VPS45: variants seen among roughly 807,000 people sequenced by gnomAD.
The protein encoded by VPS45 is vacuolar protein sorting-associated protein 45.
Under a neutral mutation model 75.9 loss-of-function variants are expected in VPS45, and 35 were observed. The observed-to-expected ratio is 0.46, with a 90% CI of 0.35 to 0.61. VPS45 has a LOEUF of 0.61. Ranked by LOEUF, VPS45 falls within the 20% of genes least tolerant of loss-of-function variation. The pLI is 0.00. For missense variants in VPS45, 559 were observed against 685.9 expected (o/e 0.81, Z 2.07); for synonymous variants, 220 against 238.2 (o/e 0.92, Z 0.70).
At chr1:150,071,221 A>G (rs1655050924) in intron 2 of VPS45, among the ~76,000 whole-genome samples, 2 of 152,204 alleles carry the variant, frequency 1.3e-5, no homozygotes, top group Admixed American at 1.3e-4. Flanking sequence ...ATCAAAAACC[A>G]ATAAAACCTG....
chr1:150,099,551 C>A (rs1357294689), intron 13 of VPS45, among the ~76,000 whole-genome samples: 1 of 150,578 alleles, frequency 6.6e-6, no homozygotes, highest in Non-Finnish European at 1.5e-5. Context: ...ATTGAAGGAA[C>A]ATACCTCAAA....
intron 7 of VPS45, 98 bp downstream of exon 7, chr1:150,077,877 C>G: frequency 1.0e-6 from 1 of 979,464 alleles, no homozygotes; most frequent in Non-Finnish European, 1.6e-6. Flanking sequence ...TTATTTGCCT[C>G]CTTATTTTTA....
intron 13 of VPS45, among the ~76,000 whole-genome samples, chr1:150,107,017 C>T (rs1553805931): frequency 6.6e-6 from 1 of 152,208 alleles, no homozygotes; most frequent in Non-Finnish European, 1.5e-5. Flanking sequence ...GCCTCAACCT[C>T]TCCCTTCTGA....
intron 14 of VPS45, among the ~76,000 whole-genome samples, chr1:150,112,069 T>C (rs781913914): frequency 1.3e-5 from 2 of 152,210 alleles, no homozygotes; most frequent in Non-Finnish European, 2.9e-5. Flanking sequence ...TTTGTTAGTG[T>C]CCAGAACTCA....
intron 6 of VPS45, 74 bp from the exon 7 acceptor site, chr1:150,077,595 A>G (rs781900934): frequency 7.7e-6 from 8 of 1,043,916 alleles, no homozygotes; most frequent in Non-Finnish European, 8.8e-6. Flanking sequence ...TGTAGTGTTT[A>G]TTAATTTCCT....
chr1:150,115,342 A>G (rs150706205), intron 14 of VPS45, among the ~76,000 whole-genome samples: 1 of 152,224 alleles, frequency 6.6e-6, no homozygotes, highest in African/African-American at 2.4e-5. Flanking sequence ...AAGTCCACTA[A>G]TATTATATTT....
chr1:150,097,067 G>A (rs1387547140), intron 13 of VPS45, among the ~76,000 whole-genome samples: 2 of 148,424 alleles, frequency 1.3e-5, no homozygotes, highest in Non-Finnish European at 3.0e-5. Flanking sequence ...AGATAGAAAA[G>A]CAGGATGTTG....
Position 150,082,793 on chromosome 1 carries a change from G to A in VPS45, c.1014G>A (p.Leu338=), listed in dbSNP as rs1035463342. The A allele has an allele frequency of 1.9e-6, 3 of 1,614,064 alleles. No homozygotes were observed. The highest frequency in any genetic ancestry group is 2.5e-6 in the Non-Finnish European group (3 of 1,180,034). The change falls in exon 10 of 15, where the codon CTG becomes CTA. Residue 338 remains leucine, a synonymous_variant. Coordinates refer to ENST00000644510, the MANE Select transcript of VPS45 (RefSeq NM_007259.5). ...VSKHVTVVGE[L]SRLVSERNLL... Reference sequence around the variant, plus strand: ...AGCATGTGACAGTGGTTGGAGAACTGTCTCGATTGGTCAGTGAACGGAATC... The same window carrying A: ...AGCATGTGACAGTGGTTGGAGAACTATCTCGATTGGTCAGTGAACGGAATC...
intron 2 of VPS45, among the ~76,000 whole-genome samples, chr1:150,069,731 C>T (rs1378098634): frequency 6.6e-6 from 1 of 152,180 alleles, no homozygotes; most frequent in Non-Finnish European, 1.5e-5. Context: ...GCTGGGATTA[C>T]AGGCGGGAGC....
At chr1:150,071,168 T>A (rs1553796956) in intron 2 of VPS45, among the ~76,000 whole-genome samples, 1 of 152,138 alleles carries the variant, frequency 6.6e-6, no homozygotes, top group Admixed American at 6.5e-5. Context: ...AATTAATATG[T>A]TTAGGGAACA....
intron 10 of VPS45, among the ~76,000 whole-genome samples, chr1:150,083,494 G>T (rs983890368): frequency 2.0e-5 from 3 of 151,786 alleles, no homozygotes; most frequent in Non-Finnish European, 2.9e-5. Context: ...TATATTAGAG[G>T]TATTTACAAA....
intron 14 of VPS45, among the ~76,000 whole-genome samples, chr1:150,139,214 C>A (rs1213450942): frequency 6.6e-6 from 1 of 152,182 alleles, no homozygotes; most frequent in Non-Finnish European, 1.5e-5. Context: ...AACCAAAATT[C>A]TTACAATGAC....
At chr1:150,102,419 C>A (rs1553804687) in intron 13 of VPS45, among the ~76,000 whole-genome samples, 1 of 151,742 alleles carries the variant, frequency 6.6e-6, no homozygotes, top group South Asian at 2.1e-4. Flanking sequence ...CATGTTGGTG[C>A]ATGCCTGTAA....
Position 150,110,633 on chromosome 1 carries a change from A to G in VPS45, c.1625+6A>G, listed in dbSNP as rs2101609192. ...ACAGTGCACAACACGAAAAGGTAAA[A>G]GAGAACATTCATTCTACAACTGTGT... On this transcript the variant is annotated splice_donor_region_variant and intron_variant, in intron 14 of 14. Coordinates refer to ENST00000644510, the MANE Select transcript of VPS45 (RefSeq NM_007259.5). The G allele has an allele frequency of 1.9e-6, 3 of 1,603,840 alleles. No homozygotes were observed. The highest frequency in any genetic ancestry group is 2.6e-6 in the Non-Finnish European group (3 of 1,174,720).
intron 11 of VPS45, 48 bp downstream of exon 11, chr1:150,092,143 T>C (rs1553802052): frequency 1.3e-6 from 2 of 1,580,146 alleles, no homozygotes; most frequent in Non-Finnish European, 8.6e-7. Flanking sequence ...AACTCTGTTA[T>C]TATATTCTTA....
At chr1:150,087,641 T>A (rs1656084529) in intron 10 of VPS45, among the ~76,000 whole-genome samples, 1 of 152,036 alleles carries the variant, frequency 6.6e-6, no homozygotes, top group South Asian at 2.1e-4. Context: ...AGTCAAAGGA[T>A]AAAGTGGGAT....
At chr1:150,129,648 CTCCCAGG>C (rs1658713706) in intron 14 of VPS45, among the ~76,000 whole-genome samples, 4 of 151,778 alleles carry the variant, frequency 2.6e-5, no homozygotes, top group East Asian at 3.9e-4. Flanking sequence ...CAACGCCCGC[CTCCCAGG>C]TTCAAGCGAT....
rs191841618 is a variant in VPS45, at chr1:150,139,687, G to T, written c.1626-5022G>T. ...TTCCACCTCAGCTTCCTGAGGAGCT[G>T]GGACTACAGGTGTGCACCACAATGC... On this transcript the variant is annotated intron_variant, in intron 14 of 14. Coordinates refer to ENST00000644510, the MANE Select transcript of VPS45 (RefSeq NM_007259.5). Among the ~76,000 whole-genome samples the T allele has an allele frequency of 8.5e-4, 129 of 152,160 alleles. No homozygotes were observed. The East Asian group carries it at 9.1e-3, about 11-fold the overall frequency.
rs1408210044 is a variant in VPS45, at chr1:150,120,052, G to A, written c.1625+9425G>A. 2.6e-5 allele frequency among the ~76,000 whole-genome samples: 4 copies of A among 152,280 alleles called. No homozygotes were observed. The South Asian group carries it at 8.3e-4, about 32-fold the overall frequency. Reference sequence around the variant, plus strand: ...GAACCTAGGAGGCAGAGGTTGCGATGAGCTGAGATCGCGCCATCGCACTCC... The same window carrying A: ...GAACCTAGGAGGCAGAGGTTGCGATAAGCTGAGATCGCGCCATCGCACTCC... On this transcript the variant is annotated intron_variant, in intron 14 of 14. Coordinates refer to ENST00000644510, the MANE Select transcript of VPS45 (RefSeq NM_007259.5).
Sources: allele counts gnomAD v4.1 joint callset (sites outside exome capture counted in the v4.1 genomes callset), GRCh38; gene constraint gnomAD v4.1.1; transcripts MANE v1.5; gene names NCBI Gene and HGNC (gene_info 2026-07-23, HGNC 2026-07-21).